The following COMMD10 variants were observed in gnomAD, a reference collection of about 807,000 sequenced individuals.
COMMD10 encodes COMM domain-containing protein 10.
A neutral mutation model predicts 28.9 loss-of-function variants in COMMD10; 33 were observed. The observed-to-expected ratio is 1.14, with a 90% CI of 0.87 to 1.53. COMMD10 has a LOEUF of 1.53. Ranked by LOEUF, COMMD10 falls within the 40% of genes most tolerant of loss-of-function variation. The pLI is 0.00. For missense variants in COMMD10, 310 were observed against 233.4 expected (o/e 1.33, Z -2.14); for synonymous variants, 110 against 81.7 (o/e 1.35, Z -1.87).
At chr5:116,134,887 C>T (rs1263446831) in intron 5 of COMMD10, among the ~76,000 whole-genome samples, 1 of 152,152 alleles carries the variant, frequency 6.6e-6, no homozygotes, top group East Asian at 1.9e-4. Context: ...TCCCAAAGTG[C>T]TGGGATTACA....
chr5:116,240,277 GTGAGA>G (rs901038431), intron 5 of COMMD10, among the ~76,000 whole-genome samples: 1 of 151,948 alleles, frequency 6.6e-6, no homozygotes, highest in African/African-American at 2.4e-5. Flanking sequence ...GAAAGGTAAG[GTGAGA>G]TGAGGAGGGC....
intron 5 of COMMD10, among the ~76,000 whole-genome samples, chr5:116,154,858 A>G (rs542923743): frequency 6.6e-6 from 1 of 152,126 alleles, no homozygotes; most frequent in South Asian, 2.1e-4. Context: ...ACTTTAGTGC[A>G]AAAGGTAATA....
chr5:116,092,151 G>A (rs1750318526), intron 3 of COMMD10, among the ~76,000 whole-genome samples: 3 of 152,046 alleles, frequency 2.0e-5, no homozygotes. Context: ...TTGAGAAAGT[G>A]CTTCTGGGAA....
At chr5:116,204,103 A>C (rs2112626422) in intron 5 of COMMD10, among the ~76,000 whole-genome samples, 1 of 152,206 alleles carries the variant, frequency 6.6e-6, no homozygotes, top group Admixed American at 6.5e-5. Flanking sequence ...GTCTCTGATA[A>C]AACAGACTTT....
Position 116,135,869 on chromosome 5 carries a change from A to T in COMMD10, c.510+1691A>T, listed in dbSNP as rs188193222. Among the ~76,000 whole-genome samples, 624 of 152,278 alleles carry T rather than the reference A, an allele frequency of 4.1e-3. 6 individuals carry two copies. Among genetic ancestry groups the T allele is most frequent in the African/African-American group, 0.014 (593 of 41,562 alleles). ...TACTGTGTGCTCTGCAGTTTAGTGT[A>T]GTGTAACCTCAGGCAAATTACTTAA... On this transcript the variant is annotated intron_variant, in intron 5 of 6. Transcript: ENST00000274458.
chr5:116,208,627 A>T (rs1379674615), intron 5 of COMMD10, among the ~76,000 whole-genome samples: 1 of 152,322 alleles, frequency 6.6e-6, no homozygotes, highest in African/African-American at 2.4e-5. Context: ...GAAACACATA[A>T]AAGTGATTTC....
intron 4 of COMMD10, among the ~76,000 whole-genome samples, chr5:116,096,032 A>G (rs935009363): frequency 1.3e-5 from 2 of 152,054 alleles, no homozygotes; most frequent in Non-Finnish European, 2.9e-5. Flanking sequence ...TGTTAAAATC[A>G]GGTATTGTGA....
At chr5:116,111,234 A>T (rs1751031766) in intron 4 of COMMD10, among the ~76,000 whole-genome samples, 1 of 151,888 alleles carries the variant, frequency 6.6e-6, no homozygotes, top group African/African-American at 2.4e-5. Flanking sequence ...TTGTTTCATT[A>T]ATTTTTTAAT....
chr5:116,159,389 A>T (rs1372880169), intron 5 of COMMD10, among the ~76,000 whole-genome samples: 2 of 152,126 alleles, frequency 1.3e-5, no homozygotes, highest in African/African-American at 2.4e-5. Flanking sequence ...ATACACATGG[A>T]TTGCTGTTTC....
At chr5:116,207,552 G>A (rs111335694) in intron 5 of COMMD10, among the ~76,000 whole-genome samples, 11 of 151,822 alleles carry the variant, frequency 7.2e-5, no homozygotes, top group African/African-American at 2.4e-4. Context: ...TTGAGACAAA[G>A]TCTCACTCTG....
chr5:116,110,760 G>C (rs893704432), intron 4 of COMMD10, among the ~76,000 whole-genome samples: 5 of 152,184 alleles, frequency 3.3e-5, no homozygotes, highest in Non-Finnish European at 7.3e-5. Flanking sequence ...AAAGGTGAAG[G>C]GGGAGCAAAC....
chr5:116,287,243 T>C (rs1751241697), intron 5 of COMMD10, among the ~76,000 whole-genome samples: 1 of 151,778 alleles, frequency 6.6e-6, no homozygotes, highest in African/African-American at 2.4e-5. Flanking sequence ...ACTGTATTTA[T>C]GCACCAAAGC....
intron 4 of COMMD10, among the ~76,000 whole-genome samples, chr5:116,107,804 C>T (rs1162367464): frequency 1.3e-5 from 2 of 152,170 alleles, no homozygotes; most frequent in Non-Finnish European, 2.9e-5. Flanking sequence ...TGGTTTCTCC[C>T]TATCTTTGTG....
At chr5:116,142,362 C>T (rs1752221647) in intron 5 of COMMD10, among the ~76,000 whole-genome samples, 1 of 151,668 alleles carries the variant, frequency 6.6e-6, no homozygotes, top group South Asian at 2.1e-4. Context: ...TAATAAACAT[C>T]TTTGTGAATA....
chr5:116,259,476 T>C (rs929945064), intron 5 of COMMD10, among the ~76,000 whole-genome samples: 1 of 151,718 alleles, frequency 6.6e-6, no homozygotes, highest in Non-Finnish European at 1.5e-5. Flanking sequence ...CTGAGTGTTA[T>C]TTCTTCAATA....
chr5:116,189,216 G>A (rs537313349), intron 5 of COMMD10, among the ~76,000 whole-genome samples: 1 of 152,204 alleles, frequency 6.6e-6, no homozygotes, highest in South Asian at 2.1e-4. Flanking sequence ...ATCGCTGCAT[G>A]AGACTTCACA....
At chr5:116,117,496 C>T (rs1191638340) in intron 4 of COMMD10, among the ~76,000 whole-genome samples, 1 of 152,150 alleles carries the variant, frequency 6.6e-6, no homozygotes, top group African/African-American at 2.4e-5. Context: ...GGGTCTCGCT[C>T]TGTGGCCCAG....
At chr5:116,197,827 TAAA>T (rs1748568568) in intron 5 of COMMD10, among the ~76,000 whole-genome samples, 1 of 152,178 alleles carries the variant, frequency 6.6e-6, no homozygotes, top group Non-Finnish European at 1.5e-5. Flanking sequence ...CCAGTTCACA[TAAA>T]GAAGTACAGG....
At chr5:116,229,204 A>G (rs1158956914) in intron 5 of COMMD10, among the ~76,000 whole-genome samples, 1 of 151,980 alleles carries the variant, frequency 6.6e-6, no homozygotes, top group Non-Finnish European at 1.5e-5. Context: ...TTGAACTTGT[A>G]TCTAAGATTG....
Sources: gnomAD v4.1 joint callset for allele counts (sites outside exome capture counted in the v4.1 genomes callset) on GRCh38, gnomAD v4.1.1 for gene constraint, MANE v1.5 for transcripts, NCBI Gene and HGNC (gene_info 2026-07-23, HGNC 2026-07-21) for gene names.